The following NCAPG2 variants were observed in gnomAD, a reference collection of about 807,000 sequenced individuals.
NCAPG2 encodes the protein non-SMC condensin II complex subunit G2.
In NCAPG2, 53 loss-of-function variants were observed where a neutral mutation model predicts 141.1. That is an observed-to-expected ratio of 0.38 (90% CI 0.30 to 0.47). NCAPG2 has a LOEUF of 0.47. Among genes scored for constraint, NCAPG2 ranks in the 20% least tolerant of loss-of-function variants. The pLI, the probability that NCAPG2 is intolerant of heterozygous loss-of-function variation, is 0.99. For synonymous variants in NCAPG2, 499 were observed against 490.7 expected (o/e 1.02, Z -0.22); for missense variants, 1,087 against 1,389.0 (o/e 0.78, Z 3.46).
At chr7:158,657,867 T>G (rs1832119747) in intron 17 of NCAPG2, among the ~76,000 whole-genome samples, 1 of 152,006 alleles carries the variant, frequency 6.6e-6, no homozygotes, top group Non-Finnish European at 1.5e-5. Context: ...AACCCTGTGC[T>G]CTCTGAAACA....
chr7:158,695,864 C>T (rs1835410516), intron 2 of NCAPG2, among the ~76,000 whole-genome samples: 1 of 152,240 alleles, frequency 6.6e-6, no homozygotes, highest in South Asian at 2.1e-4. Flanking sequence ...GATGCAGAAG[C>T]TGTGCAGCCC....
At chr7:158,681,653 C>T (rs574596908) in intron 9 of NCAPG2, among the ~76,000 whole-genome samples, 1 of 152,230 alleles carries the variant, frequency 6.6e-6, no homozygotes, top group East Asian at 1.9e-4. Flanking sequence ...TGATAAGTGA[C>T]ATTAGTCTAT....
intron 2 of NCAPG2, chr7:158,696,239 G>GTC (rs985810917): frequency 3.9e-5 from 6 of 152,162 alleles, no homozygotes; most frequent in Non-Finnish European, 8.8e-5. Context: ...TTTGTGTGTG[G>GTC]TCTCTCTCTC....
intron 13 of NCAPG2, chr7:158,668,233 CCCTCTGCCCT>C (rs1833362672): frequency 1.5e-5 from 5 of 341,610 alleles, no homozygotes; most frequent in East Asian, 3.0e-4. Flanking sequence ...ACTACTGGGT[CCCTCTGCCCT>C]CCTTACCCAC....
rs1299537743 is a variant in NCAPG2 at position 158,662,358 on chromosome 7, T to C, written c.1825A>G (p.Lys609Glu). The C allele has an allele frequency of 6.4e-7, 1 of 1,561,918 alleles. No homozygotes were observed. Among genetic ancestry groups the C allele is most frequent in the Non-Finnish European group, 8.6e-7 (1 of 1,157,126 alleles). The change falls in exon 16 of 28, where the codon AAA becomes GAA. Residue 609 changes from lysine (K) to glutamate (E), a missense_variant. Lys to Glu is a moderately conservative substitution (Grantham distance 56). Coordinates refer to ENST00000356309, the MANE Select transcript of NCAPG2 (RefSeq NM_017760.7). ...REKENVTVLDKTLSVNDVACM... is the reference protein window; with the variant it reads ...REKENVTVLDETLSVNDVACM... ...GCAACATCGTTTACTGACAGTGTTT[T>C]GTCCAGAACCTAAGATAAAAATAAT...
chr7:158,693,466 T>C lies in NCAPG2; in HGVS notation c.110A>G (p.Glu37Gly), dbSNP rs778245477. The change falls in exon 3 of 28, where the codon GAA becomes GGA. Residue 37 changes from glutamate to glycine, a missense_variant. Glu to Gly is a moderately conservative substitution (Grantham distance 98, BLOSUM62 -2). Transcript: ENST00000356309. ...TTTCCTTGATAATTCATCTAGTAAT[T>C]CATTTAGGCTGAAAGGATCAGAGGC... The part of the protein sequence containing the change: ...KEASDPFSLN[E>G]LLDELSRKQK... 5.0e-6 allele frequency: 8 copies of C among 1,613,932 alleles called. No individual in the cohort carries two copies. In the South Asian group the frequency reaches 8.8e-5, roughly 18 times the overall value.
At chr7:158,637,413 G>A (rs150646303) in intron 27 of NCAPG2, among the ~76,000 whole-genome samples, 15 of 58,164 alleles carry the variant, frequency 2.6e-4, no homozygotes, top group Non-Finnish European at 2.7e-4. Flanking sequence ...AAGGTCACTG[G>A]GGAAGGAGGG....
chr7:158,637,153 T>C (rs923399080), intron 27 of NCAPG2, among the ~76,000 whole-genome samples: 4 of 152,148 alleles, frequency 2.6e-5, no homozygotes, highest in Admixed American at 6.5e-5. Context: ...TTCACCGTGT[T>C]AGCCAGGATG....
Position 158,701,804 on chromosome 7 carries a change from C to G in NCAPG2, c.78+18G>C, listed in dbSNP as rs1307660992. ...TTCACAGTCAAAAATCACAACAAAA[C>G]TAAAACATGAAACTTACATCAAGTT... is the stretch of plus-strand genomic sequence containing the variant. On this transcript the variant is annotated intron_variant, in intron 2 of 27. Coordinates refer to ENST00000356309, the MANE Select transcript of NCAPG2 (RefSeq NM_017760.7). 6.2e-7 allele frequency: 1 copy of G among 1,603,940 alleles called. No homozygotes were observed. The highest frequency in any genetic ancestry group is 8.5e-7 in the Non-Finnish European group (1 of 1,171,848).
At chr7:158,704,146 G>A (rs1210935654) in intron 1 of NCAPG2, among the ~76,000 whole-genome samples, 3 of 147,926 alleles carry the variant, frequency 2.0e-5, no homozygotes, top group Admixed American at 6.8e-5. Context: ...CAGTGCCCAT[G>A]CCCAGGACTG....
At chr7:158,652,216 G>A in intron 23 of NCAPG2, 77 bp downstream of exon 23, 1 of 1,404,128 alleles carries the variant, frequency 7.1e-7, no homozygotes, top group East Asian at 2.3e-5. Context: ...GCACAGCCAG[G>A]GCTGATGCAT....
chr7:158,675,633 C>T lies in NCAPG2; in HGVS notation c.1170G>A (p.Pro390=), dbSNP rs1289272068. Reference sequence around the variant, plus strand: ...CAAGGATCCCTGTGGAACGGACCATCGGGTAAGGATCTTCTAAAAGGCTCT... The same window carrying T: ...CAAGGATCCCTGTGGAACGGACCATTGGGTAAGGATCTTCTAAAAGGCTCT... ...ELYSLLEDPY[P]MVRSTGILGV... Residue 390 remains proline (P), a synonymous_variant, in exon 12 of 28, where the codon CCG becomes CCA. Transcript: ENST00000356309. 6 of 1,612,000 alleles carry T rather than the reference C, an allele frequency of 3.7e-6. No individual in the cohort carries two copies. The highest frequency in any genetic ancestry group is 3.3e-5 in the South Asian group (3 of 90,422).
chr7:158,695,392 G>A (rs1835383397), intron 2 of NCAPG2, among the ~76,000 whole-genome samples: 2 of 152,218 alleles, frequency 1.3e-5, no homozygotes, highest in African/African-American at 2.4e-5. Context: ...TAGCCTGAAG[G>A]AAAAGAAATA....
At chr7:158,663,872 A>G (rs1264504805) in intron 15 of NCAPG2, among the ~76,000 whole-genome samples, 1 of 152,252 alleles carries the variant, frequency 6.6e-6, no homozygotes, top group Non-Finnish European at 1.5e-5. Context: ...GGGAGTACCC[A>G]GAATCCAATC....
intron 27 of NCAPG2, among the ~76,000 whole-genome samples, chr7:158,638,787 G>A (rs1313292169): frequency 6.6e-6 from 1 of 152,130 alleles, no homozygotes; most frequent in Non-Finnish European, 1.5e-5. Context: ...TAGAAAAGTT[G>A]AGGTAACACA....
intron 27 of NCAPG2, among the ~76,000 whole-genome samples, chr7:158,637,692 C>T (rs1471178327): frequency 1.3e-5 from 2 of 152,232 alleles, no homozygotes; most frequent in East Asian, 1.9e-4. Flanking sequence ...ATTTCTTCCA[C>T]GTAGGAAGCC....
intron 26 of NCAPG2, 82 bp downstream of exon 26, chr7:158,645,437 G>C (rs1193797096): frequency 7.9e-7 from 1 of 1,261,580 alleles, no homozygotes; most frequent in African/African-American, 1.5e-5. Flanking sequence ...GCCAAGTGCA[G>C]GGGCTGATCC....
intron 13 of NCAPG2, among the ~76,000 whole-genome samples, chr7:158,671,134 G>C (rs1234682815): frequency 8.7e-6 from 1 of 114,860 alleles, no homozygotes; most frequent in Non-Finnish European, 1.8e-5. Flanking sequence ...TCCTCATAAA[G>C]CAGGTGTCTC....
chr7:158,690,832 A>T, intron 4 of NCAPG2, 110 bp from the exon 5 acceptor site: 1 of 955,070 alleles, frequency 1.0e-6, no homozygotes, highest in Non-Finnish European at 1.5e-6. Context: ...TTTGCTAAGC[A>T]AATAATATTA....
Sources: allele counts gnomAD v4.1 joint callset (sites outside exome capture counted in the v4.1 genomes callset), GRCh38; gene constraint gnomAD v4.1.1; transcripts MANE v1.5; gene names NCBI Gene and HGNC (gene_info 2026-07-23, HGNC 2026-07-21).